The following CACNA1C variants were observed in gnomAD, a reference collection of about 807,000 sequenced individuals.
The protein encoded by CACNA1C is voltage-dependent L-type calcium channel subunit alpha-1C.
In CACNA1C, 30 loss-of-function variants were observed where a neutral mutation model predicts 229.0. The ratio of observed to expected loss-of-function variants is 0.13; its 90% CI spans 0.10 to 0.18. CACNA1C has a LOEUF of 0.18. Among genes scored for constraint, CACNA1C ranks in the 10% least tolerant of loss-of-function variants. CACNA1C has a pLI of 1.00. For missense variants in CACNA1C, 1,658 were observed against 2,845.0 expected, an observed-to-expected ratio of 0.58 and a Z score of 9.49; for synonymous variants, 1,114 against 1,132.5, an observed-to-expected ratio of 0.98 and a Z score of 0.33.
In CACNA1C at chr12:2,403,768, A is replaced by G. The variant is rs1303790366; in HGVS notation, c.478-45208A>G. 6.6e-6 allele frequency among the ~76,000 whole-genome samples: 1 copy of G among 152,086 alleles called. No individual in the cohort carries two copies. The highest frequency in any genetic ancestry group is 1.5e-5 in the Non-Finnish European group (1 of 68,008). On this transcript the variant is annotated intron_variant, in intron 3 of 46. Coordinates refer to ENST00000399655, the MANE Select transcript of CACNA1C (RefSeq NM_000719.7). The surrounding 1 kb of genome is among the most constrained non-coding windows in gnomAD (Gnocchi z 4.1). ...CAGGTAGACGTCTGCCACATCACTC[A>G]GGGGCTGCGTGGAGCACTCGGTGCC...
intron 3 of CACNA1C, among the ~76,000 whole-genome samples, chr12:2,344,687 C>T (rs61907782): frequency 0.022 from 3,355 of 152,100 alleles, 49 homozygotes; most frequent in Non-Finnish European, 0.034. Context: ...TGAGGATGTG[C>T]GCCTATGTGT....
intron 3 of CACNA1C, among the ~76,000 whole-genome samples, chr12:2,252,497 G>A (rs1318770627): frequency 6.6e-6 from 1 of 152,204 alleles, no homozygotes; most frequent in East Asian, 1.9e-4. Flanking sequence ...CAACCGTGCA[G>A]CTGAGGCTAA....
In CACNA1C at chr12:2,666,449, T is replaced by G. The variant is rs574935128; in HGVS notation, c.4527-237T>G. 6.6e-6 allele frequency among the ~76,000 whole-genome samples: 1 copy of G among 152,346 alleles called. No homozygotes were observed. The highest frequency in any genetic ancestry group is 1.5e-5 in the Non-Finnish European group (1 of 68,028). ...TGCACTGCTAAAATCCCTTCCACCTTGAACATAGCATGGGCAGAAAATGAT... is the reference window on the plus strand; with the variant it reads ...TGCACTGCTAAAATCCCTTCCACCTGGAACATAGCATGGGCAGAAAATGAT... On this transcript the variant is annotated intron_variant, in intron 36 of 46. Transcript: ENST00000399655. The surrounding 1 kb of genome is among the most constrained non-coding windows in gnomAD (Gnocchi z 5.3).
At chr12:2,419,892 A>T (rs1047045665) in intron 3 of CACNA1C, among the ~76,000 whole-genome samples, 2 of 152,098 alleles carry the variant, frequency 1.3e-5, no homozygotes, top group Non-Finnish European at 2.9e-5. Flanking sequence ...CTGTGTCATC[A>T]TGGGTGCCGG....
At chr12:2,184,867 C>T (rs73603788) in intron 3 of CACNA1C, among the ~76,000 whole-genome samples, 6,560 of 152,280 alleles carry the variant, frequency 0.043, 467 homozygotes, top group African/African-American at 0.15. Flanking sequence ...CCCATTAGCA[C>T]TGACATCTAA....
intron 5 of CACNA1C, among the ~76,000 whole-genome samples, chr12:2,470,074 G>A (rs1319009186): frequency 1.3e-5 from 2 of 152,126 alleles, no homozygotes; most frequent in African/African-American, 4.8e-5. Flanking sequence ...TAGACCTGAG[G>A]TGTCATGACA....
At chr12:2,351,037 G>A (rs984045194) in intron 3 of CACNA1C, among the ~76,000 whole-genome samples, 1 of 152,162 alleles carries the variant, frequency 6.6e-6, no homozygotes, top group Non-Finnish European at 1.5e-5. Context: ...CTGTTCCCTC[G>A]GGCCCCTTCT....
At chr12:2,306,902 G>A (rs1420662804) in intron 3 of CACNA1C, among the ~76,000 whole-genome samples, 3 of 152,188 alleles carry the variant, frequency 2.0e-5, no homozygotes, top group African/African-American at 7.2e-5. Context: ...ACTGCCAGTG[G>A]CTGTCATAGC....
intron 3 of CACNA1C, among the ~76,000 whole-genome samples, chr12:2,392,942 G>A (rs761374682): frequency 5.9e-5 from 9 of 152,142 alleles, no homozygotes; most frequent in Admixed American, 2.0e-4. Context: ...CCTTGTGTCC[G>A]TAAGAACCCT....
intron 18 of CACNA1C, among the ~76,000 whole-genome samples, chr12:2,592,757 A>G (rs1206108694): frequency 1.4e-5 from 2 of 143,728 alleles, no homozygotes; most frequent in Non-Finnish European, 3.0e-5. Flanking sequence ...TTGGTTTCTA[A>G]TTCCTGGAAC....
intron 4 of CACNA1C, among the ~76,000 whole-genome samples, chr12:2,452,456 C>T (rs940206502): frequency 2.0e-5 from 3 of 152,180 alleles, no homozygotes; most frequent in East Asian, 1.9e-4. Context: ...CTCTGGGCCT[C>T]ACGATCATTC....
chr12:2,448,936 A>G lies in CACNA1C; in HGVS notation c.478-40A>G. ...TCCAAACTTTCCAAATCCCCAAACC[A>G]ATGACTTATTTTTCTCTCTTTTCTA... On this transcript the variant is annotated intron_variant, in intron 3 of 46. Transcript: ENST00000399655. 3.2e-6 allele frequency: 5 copies of G among 1,563,914 alleles called. No individual in the cohort carries two copies. The South Asian group carries it at 5.7e-5, about 18-fold the overall frequency.
At chr12:2,013,784 T>G (rs377201134) in intron 1 of CACNA1C, among the ~76,000 whole-genome samples, 1 of 152,230 alleles carries the variant, frequency 6.6e-6, no homozygotes, top group South Asian at 2.1e-4. Context: ...TTTTCTTATC[T>G]CTAATAAGGA....
chr12:2,268,611 G>T (rs947032369), intron 3 of CACNA1C, among the ~76,000 whole-genome samples: 3 of 152,112 alleles, frequency 2.0e-5, no homozygotes, highest in Non-Finnish European at 4.4e-5. Flanking sequence ...GTGGTGTCCT[G>T]GGGGGAGGGT....
intron 3 of CACNA1C, among the ~76,000 whole-genome samples, chr12:2,264,594 G>A (rs115162569): frequency 0.02 from 3,019 of 152,246 alleles, 93 homozygotes; most frequent in African/African-American, 0.069. Context: ...GTGTGCTCGT[G>A]GTTCCTCCTG....
chr12:2,527,160 G>T (rs921613069), intron 9 of CACNA1C, among the ~76,000 whole-genome samples: 1 of 152,176 alleles, frequency 6.6e-6, no homozygotes, highest in African/African-American at 2.4e-5. Context: ...AACCTTATTT[G>T]CTAAGCCTGA....
intron 30 of CACNA1C, among the ~76,000 whole-genome samples, chr12:2,644,961 C>T (rs2238099): frequency 0.053 from 8,113 of 152,232 alleles, 245 homozygotes; most frequent in Middle Eastern, 0.1. Flanking sequence ...AACCAGAGCT[C>T]GCTGTCTCTG....
chr12:2,606,162 G>A (rs576479221), intron 24 of CACNA1C, among the ~76,000 whole-genome samples: 3 of 152,310 alleles, frequency 2.0e-5, no homozygotes, highest in East Asian at 3.9e-4. Context: ...AGCTTTCAGA[G>A]CCCTGCACCT....
intron 3 of CACNA1C, among the ~76,000 whole-genome samples, chr12:2,195,436 A>C (rs1006766607): frequency 2.2e-4 from 33 of 152,222 alleles, no homozygotes; most frequent in African/African-American, 7.7e-4. Flanking sequence ...GTAAAGTGGC[A>C]GGATTGAATT....
Sources: gnomAD v4.1 joint callset for allele counts (sites outside exome capture counted in the v4.1 genomes callset) on GRCh38, gnomAD v4.1.1 for gene constraint, Gnocchi (gnomAD v3.1) non-coding constraint, MANE v1.5 for transcripts, NCBI Gene and HGNC (gene_info 2026-07-23, HGNC 2026-07-21) for gene names.